SLC9D1: variants seen among roughly 807,000 people sequenced by gnomAD.
The protein encoded by SLC9D1 is solute carrier family 9 member D1.
At chr13:113,498,334 A>C in the SLC9D1 span, 1 of 1,518,522 alleles carries the variant, frequency 6.6e-7, no homozygotes. Flanking sequence ...TTTCTTACAA[A>C]TGAATAGGAA....
At chr13:113,507,884 G>A in the SLC9D1 span, among the ~76,000 whole-genome samples, 1 of 152,268 alleles carries the variant, frequency 6.6e-6, no homozygotes, top group African/African-American at 2.4e-5. Flanking sequence ...TCAGGAGAAT[G>A]TGTCTTGGCG....
the SLC9D1 span, among the ~76,000 whole-genome samples, chr13:113,543,109 G>GCCCCACCTCTGTCCGTGA: frequency 3.6e-5 from 2 of 55,370 alleles, no homozygotes; most frequent in African/African-American, 1.5e-4. Context: ...TCCTCCCCCT[G>GCCCCACCTCTGTCCGTGA]CCCCCAGCCC....
At chr13:113,493,422 G>T in the SLC9D1 span, among the ~76,000 whole-genome samples, 1 of 152,206 alleles carries the variant, frequency 6.6e-6, no homozygotes, top group Middle Eastern at 3.2e-3. Flanking sequence ...AGTAGCTGTT[G>T]ATTTATTTAG....
chr13:113,537,325 T>G, the SLC9D1 span, among the ~76,000 whole-genome samples: 1 of 152,136 alleles, frequency 6.6e-6, no homozygotes, highest in African/African-American at 2.4e-5. Context: ...GGCGCTCAGT[T>G]CTCCCCCCAG....
the SLC9D1 span, among the ~76,000 whole-genome samples, chr13:113,507,838 C>T: frequency 6.6e-6 from 1 of 152,262 alleles, no homozygotes; most frequent in East Asian, 1.9e-4. Context: ...GTATAACGTA[C>T]GTGTGTGCCT....
the SLC9D1 span, among the ~76,000 whole-genome samples, chr13:113,518,557 G>T: frequency 6.6e-6 from 1 of 152,230 alleles, no homozygotes; most frequent in South Asian, 2.1e-4. Context: ...AGGGGCGCAG[G>T]TGTGAACGTG....
the SLC9D1 span, among the ~76,000 whole-genome samples, chr13:113,545,240 C>T: frequency 1.3e-5 from 2 of 152,330 alleles, no homozygotes; most frequent in South Asian, 4.1e-4. Flanking sequence ...TTTACTCAGC[C>T]TCCAAATCCA....
At chr13:113,548,610 C>T in the SLC9D1 span, among the ~76,000 whole-genome samples, 1 of 152,248 alleles carries the variant, frequency 6.6e-6, no homozygotes, top group East Asian at 1.9e-4. Context: ...CTCTGCTCAT[C>T]CAGCATGTGG....
the SLC9D1 span, chr13:113,501,801 C>T: frequency 6.2e-7 from 1 of 1,608,694 alleles, no homozygotes; most frequent in African/African-American, 1.3e-5. Flanking sequence ...TGGCTATGTA[C>T]AGCCATAGGA....
At chr13:113,516,871 TGAA>T in the SLC9D1 span, among the ~76,000 whole-genome samples, 1 of 152,172 alleles carries the variant, frequency 6.6e-6, no homozygotes, top group African/African-American at 2.4e-5. Flanking sequence ...AGCTGGATTG[TGAA>T]GAAGGTGTGG....
the SLC9D1 span, among the ~76,000 whole-genome samples, chr13:113,502,299 C>T: frequency 2.1e-3 from 315 of 152,218 alleles, no homozygotes; most frequent in African/African-American, 7.1e-3. Context: ...CTGCAACCTC[C>T]GCCTCCCGGG....
the SLC9D1 span, chr13:113,495,661 A>G: frequency 6.2e-7 from 1 of 1,604,466 alleles, no homozygotes; most frequent in Non-Finnish European, 8.5e-7. Context: ...GAGCACGAGG[A>G]GGTGGCGCAG....
chr13:113,542,882 G>T, the SLC9D1 span, among the ~76,000 whole-genome samples: 1 of 152,148 alleles, frequency 6.6e-6, no homozygotes, highest in African/African-American at 2.4e-5. Flanking sequence ...GCAGCACAGA[G>T]TTGGGAGGCT....
the SLC9D1 span, chr13:113,496,092 G>C: frequency 9.2e-7 from 1 of 1,082,418 alleles, no homozygotes; most frequent in Non-Finnish European, 1.3e-6. Context: ...GAGGGAGAGT[G>C]CGTGCCCACA....
chr13:113,520,098 G>C, the SLC9D1 span, among the ~76,000 whole-genome samples: 5 of 152,226 alleles, frequency 3.3e-5, no homozygotes, highest in Non-Finnish European at 7.3e-5. Flanking sequence ...GTAAGTCGTG[G>C]AAGTAAAAGG....
chr13:113,525,316 T>C, the SLC9D1 span, among the ~76,000 whole-genome samples: 22,356 of 152,238 alleles, frequency 0.15, 1,992 homozygotes, highest in Admixed American at 0.27. Context: ...AATGCCCCCA[T>C]GCTTGTGGTG....
chr13:113,534,280 A>C, the SLC9D1 span: 2 of 1,477,182 alleles, frequency 1.4e-6, no homozygotes, highest in Non-Finnish European at 1.9e-6. Context: ...AATCTGATAC[A>C]TAATCTCTTT....
chr13:113,549,002 G>A, the SLC9D1 span, among the ~76,000 whole-genome samples: 2 of 152,182 alleles, frequency 1.3e-5, no homozygotes, highest in Non-Finnish European at 2.9e-5. Flanking sequence ...CAGGGTCAGG[G>A]AAGCTGTGGG....
At chr13:113,520,542 T>A in the SLC9D1 span, 1 of 1,041,076 alleles carries the variant, frequency 9.6e-7, no homozygotes, top group Non-Finnish European at 1.5e-6. Flanking sequence ...TGGAAGTGTG[T>A]ACAATGGCAA....
Sources: gnomAD v4.1 joint callset for allele counts (sites outside exome capture counted in the v4.1 genomes callset) on GRCh38, gnomAD v4.1.1 for gene constraint, MANE v1.5 for transcripts, NCBI Gene and HGNC (gene_info 2026-07-23, HGNC 2026-07-21) for gene names.